Variants in STAMBP observed in about 807,000 individuals in gnomAD.
STAMBP encodes the protein STAM binding protein.
STAMBP carries 31 observed loss-of-function variants against 50.7 expected under a neutral mutation model. The observed-to-expected ratio is 0.61, with a 90% CI of 0.46 to 0.83. STAMBP has a LOEUF of 0.83. Among genes scored for constraint, STAMBP ranks in the 40% least tolerant of loss-of-function variants. STAMBP has a pLI of 0.00. For missense variants in STAMBP, 472 were observed against 518.9 expected (o/e 0.91, Z 0.88); for synonymous variants, 211 against 192.4 (o/e 1.10, Z -0.80).
At chr2:73,843,881 A>G (rs1468597988) in intron 2 of STAMBP, among the ~76,000 whole-genome samples, 1 of 152,152 alleles carries the variant, frequency 6.6e-6, no homozygotes. Context: ...TTTTTATCTC[A>G]GTTTCTGTGT....
At chr2:73,847,806 C>A in intron 5 of STAMBP, 53 bp downstream of exon 5, 1 of 1,561,136 alleles carries the variant, frequency 6.4e-7, no homozygotes. Context: ...CAAACAGTAT[C>A]ATTCTGACGG....
At chr2:73,859,425 A>AT in intron 8 of STAMBP, 59 bp downstream of exon 8, 1 of 1,287,938 alleles carries the variant, frequency 7.8e-7, no homozygotes, top group Non-Finnish European at 1.1e-6. Context: ...AGAAAGCCTC[A>AT]GGGGAAAAGG....
intron 5 of STAMBP, 23 bp downstream of exon 5, chr2:73,847,776 T>G: frequency 6.3e-7 from 1 of 1,598,684 alleles, no homozygotes. Flanking sequence ...GCTGATGTCC[T>G]CTTCCTTCTC....
chr2:73,843,372 G>GT (rs1312487682), intron 2 of STAMBP, among the ~76,000 whole-genome samples: 12 of 138,502 alleles, frequency 8.7e-5, no homozygotes, highest in African/African-American at 3.2e-4. Flanking sequence ...TAATTTTTGT[G>GT]TTTTTTTATG....
At chr2:73,836,604 T>A (rs1439699980) in intron 2 of STAMBP, among the ~76,000 whole-genome samples, 2 of 152,192 alleles carry the variant, frequency 1.3e-5, no homozygotes, top group Admixed American at 1.3e-4. Context: ...TGCAGATGAC[T>A]GGTGAGAACA....
chr2:73,860,185 C>A, intron 9 of STAMBP, 34 bp downstream of exon 9: 1 of 1,561,840 alleles, frequency 6.4e-7, no homozygotes, highest in Non-Finnish European at 8.8e-7. Context: ...TGGGGCTATG[C>A]TTCAAGCAGG....
chr2:73,858,221 G>T (rs1677835186), intron 7 of STAMBP, among the ~76,000 whole-genome samples: 1 of 135,754 alleles, frequency 7.4e-6, no homozygotes, highest in Admixed American at 8.0e-5. Flanking sequence ...AGCCAGGATG[G>T]TCTTGATCTC....
intron 4 of STAMBP, among the ~76,000 whole-genome samples, chr2:73,845,770 T>G (rs1033529337): frequency 6.6e-6 from 1 of 152,002 alleles, no homozygotes; most frequent in African/African-American, 2.4e-5. Context: ...TGACTGGGAC[T>G]ACAGGCATCC....
intron 7 of STAMBP, among the ~76,000 whole-genome samples, chr2:73,858,159 A>ATTTTTTTTT (rs35630978): frequency 1.5e-5 from 1 of 68,346 alleles, no homozygotes; most frequent in Non-Finnish European, 2.8e-5. Context: ...ATTGTTTTGT[A>ATTTTTTTTT]TTTTTTTTTT....
intron 9 of STAMBP, among the ~76,000 whole-genome samples, chr2:73,861,572 G>T (rs534223384): frequency 7.9e-5 from 12 of 152,090 alleles, no homozygotes; most frequent in Admixed American, 5.2e-4. Flanking sequence ...GGGCTGGAGT[G>T]CAGTGGTATG....
chr2:73,867,597 A>G (rs1679008738), downstream of STAMBP, among the ~76,000 whole-genome samples: 1 of 152,210 alleles, frequency 6.6e-6, no homozygotes, highest in South Asian at 2.1e-4. Flanking sequence ...AAGGCAAATG[A>G]GAAAAACTAC....
downstream of STAMBP, among the ~76,000 whole-genome samples, chr2:73,869,650 C>A (rs571601231): frequency 1.3e-5 from 2 of 152,158 alleles, no homozygotes; most frequent in African/African-American, 4.8e-5. Flanking sequence ...GGGTGCAGCA[C>A]ACCAACATGG....
intron 9 of STAMBP, among the ~76,000 whole-genome samples, chr2:73,861,670 C>T (rs1001860596): frequency 6.6e-5 from 10 of 150,988 alleles, no homozygotes; most frequent in African/African-American, 2.0e-4. Context: ...AGGTGCGCGC[C>T]GCCACACCGG....
rs561216693 is a variant in STAMBP, at chr2:73,829,122, C to T, written c.-401C>T. The T allele has an allele frequency of 6.6e-6, 1 of 152,452 alleles. No individual in the cohort carries two copies. The highest frequency in any genetic ancestry group is 2.4e-5 in the African/African-American group (1 of 41,590). 9.4% of individuals were successfully genotyped at this position (152,452 alleles called of 1,614,324 possible). On this transcript the variant is annotated 5_prime_UTR_variant, in exon 1 of 10. Transcript: ENST00000394070. ...TCCCCGAGTCCCCTGCCCGGCCTGC[C>T]TCGCTCGAGGCACCCGACGGCTTCT... is the stretch of plus-strand genomic sequence containing the variant.
intron 7 of STAMBP, among the ~76,000 whole-genome samples, chr2:73,855,440 G>A (rs1036029196): frequency 2.6e-5 from 4 of 152,200 alleles, no homozygotes; most frequent in Admixed American, 2.6e-4. Context: ...AGGGGATCAT[G>A]GCAAAGTTTT....
intron 7 of STAMBP, chr2:73,855,594 G>A (rs1410507301): frequency 2.2e-6 from 1 of 455,964 alleles, no homozygotes; most frequent in Non-Finnish European, 4.4e-6. Context: ...CTGCTCTTTA[G>A]CAGCCTAAAG....
intron 7 of STAMBP, among the ~76,000 whole-genome samples, chr2:73,853,065 C>A (rs1350906606): frequency 2.0e-5 from 3 of 151,904 alleles, no homozygotes; most frequent in Non-Finnish European, 4.4e-5. Context: ...CCAAGGAAGG[C>A]TTTAAGAAAA....
intron 7 of STAMBP, among the ~76,000 whole-genome samples, chr2:73,857,429 C>T (rs746991828): frequency 6.6e-6 from 1 of 152,192 alleles, no homozygotes; most frequent in Non-Finnish European, 1.5e-5. Flanking sequence ...CCCCCTTCCC[C>T]CTGAGTGCTC....
downstream of STAMBP, among the ~76,000 whole-genome samples, chr2:73,869,375 G>C (rs1453469866): frequency 6.6e-6 from 1 of 152,194 alleles, no homozygotes; most frequent in Admixed American, 6.5e-5. Context: ...GGAACATGAA[G>C]AAAATAAATG....
Sources: gnomAD v4.1 joint callset for allele counts (sites outside exome capture counted in the v4.1 genomes callset) on GRCh38, gnomAD v4.1.1 for gene constraint, MANE v1.5 for transcripts, NCBI Gene and HGNC (gene_info 2026-07-23, HGNC 2026-07-21) for gene names.